SORCS3: variants seen among roughly 807,000 people sequenced by gnomAD.
The protein encoded by SORCS3 is VPS10 domain-containing receptor SorCS3.
SORCS3 carries 57 observed loss-of-function variants against 146.3 expected under a neutral mutation model. The ratio of observed to expected loss-of-function variants is 0.39; its 90% CI spans 0.31 to 0.49. The LOEUF (loss-of-function observed/expected upper bound fraction) is 0.49, where lower values mean the gene tolerates loss of function less well. SORCS3 is among the 20% of genes least tolerant of loss of function. The probability of loss-of-function intolerance (pLI) is 0.92; values close to 1 mark genes in which losing one functional copy is unlikely to be tolerated. For missense variants in SORCS3, 1,341 were observed against 1,575.5 expected (o/e 0.85, Z 2.52); for synonymous variants, 653 against 618.5 (o/e 1.06, Z -0.83).
At chr10:105,042,265 C>A (rs1460285708) in intron 4 of SORCS3, among the ~76,000 whole-genome samples, 1 of 152,332 alleles carries the variant, frequency 6.6e-6, no homozygotes, top group East Asian at 1.9e-4. Flanking sequence ...TCTGCCTGGG[C>A]AGATTGCAGA....
chr10:105,139,383 C>T lies in SORCS3; in HGVS notation c.1213-14C>T. The T allele has an allele frequency of 1.2e-6, 2 of 1,602,340 alleles. No homozygotes were observed. The highest frequency in any genetic ancestry group is 1.7e-6 in the Non-Finnish European group (2 of 1,169,456). On this transcript the variant is annotated splice_polypyrimidine_tract_variant and intron_variant, in intron 7 of 26. Coordinates refer to ENST00000369701, the MANE Select transcript of SORCS3 (RefSeq NM_014978.3). ...GGCCTCATCTGATCTCTTTGTGTTT[C>T]CCCCACAATCTAGGTAACAACTAGT...
rs770838706 is a variant in SORCS3 at position 105,147,691 on chromosome 10, C to CA, written c.1379dup (p.Asn460LysfsTer32). On this transcript the variant is annotated frameshift_variant, in exon 9 of 27. Transcript: ENST00000369701. LOFTEE classifies it high-confidence loss of function. ...AAGAATGGAACCAGAACGACACGTA[C>CA]AACCTCTACATCTCAGACACGCGTG... 1 of 1,613,140 alleles carries CA rather than the reference C, an allele frequency of 6.2e-7. No individual in the cohort carries two copies.
chr10:104,976,285 A>T (rs1325116849), intron 3 of SORCS3, among the ~76,000 whole-genome samples: 1 of 152,244 alleles, frequency 6.6e-6, no homozygotes, highest in East Asian at 1.9e-4. Context: ...GGAGACATTT[A>T]TGCAGCCAAA....
chr10:105,042,415 T>C (rs1490378822), intron 4 of SORCS3, among the ~76,000 whole-genome samples: 1 of 152,188 alleles, frequency 6.6e-6, no homozygotes, highest in Non-Finnish European at 1.5e-5. Context: ...CATTGGCAGT[T>C]AGAATCAGAT....
intron 16 of SORCS3, among the ~76,000 whole-genome samples, chr10:105,204,708 A>AT (rs1564784320): frequency 6.6e-6 from 1 of 151,980 alleles, no homozygotes; most frequent in Non-Finnish European, 1.5e-5. Flanking sequence ...AACAAAAAAA[A>AT]AACTCACACG....
intron 4 of SORCS3, among the ~76,000 whole-genome samples, chr10:105,038,577 T>C (rs2055320163): frequency 6.6e-6 from 1 of 152,192 alleles, no homozygotes; most frequent in South Asian, 2.1e-4. Context: ...GGGCTTAAGT[T>C]ACTATTGAAA....
At chr10:105,096,435 G>A (rs1269018128) in intron 6 of SORCS3, among the ~76,000 whole-genome samples, 1 of 152,002 alleles carries the variant, frequency 6.6e-6, no homozygotes, top group African/African-American at 2.4e-5. Flanking sequence ...TGAGCTGCCG[G>A]GTATATACAG....
At chr10:105,201,586 C>T (rs2056575319) in intron 16 of SORCS3, among the ~76,000 whole-genome samples, 2 of 152,216 alleles carry the variant, frequency 1.3e-5, no homozygotes, top group African/African-American at 4.8e-5. Context: ...GAGCTACTGC[C>T]TTGCTGTTGC....
chr10:104,904,851 T>C (rs1348748983), intron 2 of SORCS3, among the ~76,000 whole-genome samples: 1 of 151,764 alleles, frequency 6.6e-6, no homozygotes, highest in Non-Finnish European at 1.5e-5. Flanking sequence ...TTTAAAAGAC[T>C]CTAGGGTGTG....
chr10:104,738,896 C>G (rs2016809392), intron 1 of SORCS3, among the ~76,000 whole-genome samples: 3 of 152,306 alleles, frequency 2.0e-5, no homozygotes, highest in South Asian at 2.1e-4. Context: ...TCAGCTAACT[C>G]TCTTAATCCT....
intron 22 of SORCS3, among the ~76,000 whole-genome samples, chr10:105,248,806 A>C (rs1009108653): frequency 3.3e-5 from 5 of 152,196 alleles, no homozygotes; most frequent in African/African-American, 1.2e-4. Context: ...AGTGCAGCTA[A>C]AATTGAGCTA....
intron 16 of SORCS3, among the ~76,000 whole-genome samples, chr10:105,208,019 A>G (rs968658926): frequency 2.0e-5 from 3 of 152,144 alleles, no homozygotes; most frequent in Admixed American, 6.6e-5. Flanking sequence ...CCACAGCCCA[A>G]TGTTTCCACA....
At chr10:104,988,156 T>G (rs2054973057) in intron 4 of SORCS3, among the ~76,000 whole-genome samples, 1 of 152,154 alleles carries the variant, frequency 6.6e-6, no homozygotes, top group Admixed American at 6.5e-5. Flanking sequence ...ACACAGCCAG[T>G]GAGGGGACTG....
At chr10:105,034,761 G>A (rs1457580766) in intron 4 of SORCS3, among the ~76,000 whole-genome samples, 3 of 152,188 alleles carry the variant, frequency 2.0e-5, no homozygotes, top group Non-Finnish European at 2.9e-5. Flanking sequence ...AAATAAGGCT[G>A]CCATATTAAC....
chr10:104,819,641 G>A lies in SORCS3; in HGVS notation c.628-23151G>A, dbSNP rs2017849993. 2.0e-5 allele frequency among the ~76,000 whole-genome samples: 3 copies of A among 152,288 alleles called. No individual in the cohort carries two copies. In the South Asian group the frequency reaches 6.2e-4, roughly 32 times the overall value. On this transcript the variant is annotated intron_variant, in intron 1 of 26. Coordinates refer to ENST00000369701, the MANE Select transcript of SORCS3 (RefSeq NM_014978.3). ...GGACCCTTCCATGTGCTGGGCAGTG[G>A]GAGGCAGGTGCGCCCTTTCCCTTTC...
At chr10:104,824,562 TTC>T (rs2017914006) in intron 1 of SORCS3, among the ~76,000 whole-genome samples, 1 of 152,230 alleles carries the variant, frequency 6.6e-6, no homozygotes, top group African/African-American at 2.4e-5. Context: ...GGGTATTCAC[TTC>T]ACTGTTATTT....
chr10:104,907,163 C>G (rs894237252), intron 2 of SORCS3, among the ~76,000 whole-genome samples: 36 of 146,760 alleles, frequency 2.5e-4, no homozygotes, highest in African/African-American at 8.8e-4. Context: ...GTAATACACT[C>G]TATTTAGCCT....
chr10:105,147,585 T>C, intron 8 of SORCS3, 32 bp from the exon 9 acceptor site: 1 of 1,578,498 alleles, frequency 6.3e-7, no homozygotes, highest in Non-Finnish European at 8.6e-7. Context: ...TATGGAGATC[T>C]GCTGCCTTAC....
intron 4 of SORCS3, among the ~76,000 whole-genome samples, chr10:105,009,544 A>AAAAAAAAC (rs2055119706): frequency 6.7e-6 from 1 of 148,576 alleles, no homozygotes. Context: ...AAAAAAAAAA[A>AAAAAAAAC]AAAAAAACCC....
Sources: allele counts gnomAD v4.1 joint callset (sites outside exome capture counted in the v4.1 genomes callset), GRCh38; gene constraint gnomAD v4.1.1; transcripts MANE v1.5; gene names NCBI Gene and HGNC (gene_info 2026-07-23, HGNC 2026-07-21).